SYT1: variants seen among roughly 807,000 people sequenced by gnomAD.
SYT1 encodes the protein synaptotagmin-1.
Under a neutral mutation model 44.8 loss-of-function variants are expected in SYT1, and 8 were observed. That is an observed-to-expected ratio of 0.18 (90% CI 0.10 to 0.32). The LOEUF is 0.32. Among genes scored for constraint, SYT1 ranks in the 10% least tolerant of loss-of-function variants. SYT1 has a pLI of 1.00. For missense variants in SYT1, 286 were observed against 509.3 expected (o/e 0.56, Z 4.22); for synonymous variants, 154 against 188.8 (o/e 0.82, Z 1.51).
At chr12:79,047,885 AGAAATGTATTTCCTT>A (rs1341452159) in intron 3 of SYT1, among the ~76,000 whole-genome samples, 16 of 152,018 alleles carry the variant, frequency 1.1e-4, no homozygotes, top group Admixed American at 7.2e-4. Flanking sequence ...TGTATTTCCT[AGAAATGTATTTCCTT>A]GCTATTGTTT....
chr12:78,869,090 G>A (rs1342516482), intron 1 of SYT1, among the ~76,000 whole-genome samples: 1 of 151,766 alleles, frequency 6.6e-6, no homozygotes, highest in Non-Finnish European at 1.5e-5. Flanking sequence ...GAGAATGTGG[G>A]TTGATATGTT....
At chr12:79,185,583 A>C (rs1872757318) in intron 3 of SYT1, among the ~76,000 whole-genome samples, 1 of 152,032 alleles carries the variant, frequency 6.6e-6, no homozygotes, top group South Asian at 2.1e-4. Context: ...AAAGACAAAT[A>C]TATGTTAAAA....
At position 79,352,946 on chromosome 12, in the gene SYT1, C is replaced by T. The variant is rs143693802; in HGVS notation, c.811-556C>T. Among the ~76,000 whole-genome samples, 212 of 152,232 alleles carry T rather than the reference C, an allele frequency of 1.4e-3. 5 individuals carry two copies. The East Asian group carries it at 0.033, about 24-fold the overall frequency. On this transcript the variant is annotated intron_variant, in intron 8 of 10. Transcript: ENST00000261205. ...CTTAAGATGAGTAATACTAAAAGTG[C>T]GAAACCTTATACTTTGTTACATTTC...
At chr12:79,085,488 G>A (rs141052634) in intron 3 of SYT1, among the ~76,000 whole-genome samples, 122 of 152,208 alleles carry the variant, frequency 8.0e-4, no homozygotes, top group African/African-American at 2.9e-3. Context: ...ATGTCCCAGG[G>A]CAGACACCTC....
chr12:78,934,173 TACACAC>T (rs78125687), intron 1 of SYT1, among the ~76,000 whole-genome samples: 7,703 of 148,248 alleles, frequency 0.052, 229 homozygotes, highest in Admixed American at 0.087. Context: ...CACACACACA[TACACAC>T]ACACACACAC....
chr12:79,125,549 G>T (rs1868383181), intron 3 of SYT1, among the ~76,000 whole-genome samples: 1 of 151,060 alleles, frequency 6.6e-6, no homozygotes, highest in African/African-American at 2.4e-5. Context: ...GATCCTGGGA[G>T]GTGGAGACTG....
At chr12:79,196,220 T>C (rs1289892329) in intron 3 of SYT1, among the ~76,000 whole-genome samples, 2 of 151,954 alleles carry the variant, frequency 1.3e-5, no homozygotes, top group Non-Finnish European at 2.9e-5. Context: ...CAGGCTGGAG[T>C]GCAGTGTCAC....
At chr12:79,004,882 C>T (rs1462895569) in intron 2 of SYT1, among the ~76,000 whole-genome samples, 1 of 151,934 alleles carries the variant, frequency 6.6e-6, no homozygotes, top group East Asian at 1.9e-4. Context: ...TTCTATTAAA[C>T]AATAATATTG....
intron 1 of SYT1, among the ~76,000 whole-genome samples, chr12:78,923,231 T>A (rs926295750): frequency 6.6e-6 from 1 of 151,992 alleles, no homozygotes; most frequent in Non-Finnish European, 1.5e-5. Flanking sequence ...TGACTGAGGA[T>A]CCAACTTTAT....
At chr12:79,148,192 G>T (rs1051747316) in intron 3 of SYT1, among the ~76,000 whole-genome samples, 2 of 152,126 alleles carry the variant, frequency 1.3e-5, no homozygotes, top group Admixed American at 1.3e-4. Flanking sequence ...GGACAGAAAT[G>T]GCAGGGAAAT....
At chr12:78,974,184 C>A (rs1868641932) in intron 1 of SYT1, among the ~76,000 whole-genome samples, 1 of 150,200 alleles carries the variant, frequency 6.7e-6, no homozygotes, top group Non-Finnish European at 1.5e-5. Context: ...ACACTGTAGA[C>A]AATTGTAACA....
chr12:79,183,553 G>C (rs556164218), intron 3 of SYT1, among the ~76,000 whole-genome samples: 2 of 152,040 alleles, frequency 1.3e-5, no homozygotes, highest in African/African-American at 4.8e-5. Context: ...CAGTGTCAAG[G>C]CCAAGAAACC....
intron 9 of SYT1, among the ~76,000 whole-genome samples, chr12:79,378,113 G>C (rs1884074806): frequency 6.6e-6 from 1 of 152,136 alleles, no homozygotes; most frequent in Non-Finnish European, 1.5e-5. Flanking sequence ...AAGCCATGGA[G>C]TTTTCACTCA....
chr12:78,969,926 C>T (rs1407949786), intron 1 of SYT1, among the ~76,000 whole-genome samples: 1 of 152,160 alleles, frequency 6.6e-6, no homozygotes, highest in Non-Finnish European at 1.5e-5. Flanking sequence ...ATTGCTCTTT[C>T]TACTAGTACT....
Position 79,441,476 on chromosome 12 carries a change from G to A in SYT1, c.929-2597G>A, listed in dbSNP as rs541015228. On this transcript the variant is annotated intron_variant, in intron 9 of 10. Coordinates refer to ENST00000261205, the MANE Select transcript of SYT1 (RefSeq NM_005639.3). Reference sequence around the variant, plus strand: ...ATCACAGGTGTGCACCACCACGCCTGGCTAATTTTTGTATTTTTGGTAGAG... The same window carrying A: ...ATCACAGGTGTGCACCACCACGCCTAGCTAATTTTTGTATTTTTGGTAGAG... Among the ~76,000 whole-genome samples the A allele has an allele frequency of 2.6e-5, 4 of 152,088 alleles. No homozygotes were observed. The East Asian group carries it at 7.8e-4, about 29-fold the overall frequency.
At chr12:79,293,479 T>C (rs1392059423) in intron 6 of SYT1, among the ~76,000 whole-genome samples, 1 of 152,090 alleles carries the variant, frequency 6.6e-6, no homozygotes, top group Non-Finnish European at 1.5e-5. Context: ...TCATTTTGCT[T>C]CTCTCATCTT....
intron 1 of SYT1, among the ~76,000 whole-genome samples, chr12:78,941,071 T>TTC (rs1555182919): frequency 7.4e-6 from 1 of 135,696 alleles, no homozygotes; most frequent in East Asian, 2.1e-4. Context: ...TTTTCTTTTT[T>TTC]TTTTTTTTTT....
chr12:79,090,676 G>A (rs1222060273), intron 3 of SYT1, among the ~76,000 whole-genome samples: 1 of 151,980 alleles, frequency 6.6e-6, no homozygotes, highest in African/African-American at 2.4e-5. Flanking sequence ...TTACATGCAC[G>A]TGCACAGGGA....
At chr12:79,006,395 G>T (rs1222816140) in intron 2 of SYT1, among the ~76,000 whole-genome samples, 3 of 152,088 alleles carry the variant, frequency 2.0e-5, no homozygotes, top group Non-Finnish European at 4.4e-5. Context: ...ATAATATGTT[G>T]TCATTGGAAT....
Sources: allele counts gnomAD v4.1 joint callset (sites outside exome capture counted in the v4.1 genomes callset), GRCh38; gene constraint gnomAD v4.1.1; transcripts MANE v1.5; gene names NCBI Gene and HGNC (gene_info 2026-07-23, HGNC 2026-07-21).